CDKL1: variants seen among roughly 807,000 people sequenced by gnomAD.
The protein encoded by CDKL1 is cyclin dependent kinase like 1, also known as cyclin-dependent kinase-like 1.
In CDKL1, 41 loss-of-function variants were observed where a neutral mutation model predicts 42.0. The ratio of observed to expected loss-of-function variants is 0.98; its 90% CI spans 0.76 to 1.27. The LOEUF is 1.27. Ranked by LOEUF, CDKL1 falls within the 50% of genes most tolerant of loss-of-function variation. The pLI is 0.00. For synonymous variants in CDKL1, 153 were observed against 158.6 expected (o/e 0.96, Z 0.26); for missense variants, 394 against 428.4 (o/e 0.92, Z 0.71).
chr14:50,391,037 G>T (rs534791506), intron 2 of CDKL1, among the ~76,000 whole-genome samples: 1 of 152,030 alleles, frequency 6.6e-6, no homozygotes, highest in Non-Finnish European at 1.5e-5. Flanking sequence ...GTTTCACCAC[G>T]TTGCCCCTGC....
At chr14:50,375,622 C>A (rs531705956) in intron 2 of CDKL1, among the ~76,000 whole-genome samples, 1 of 152,280 alleles carries the variant, frequency 6.6e-6, no homozygotes, top group South Asian at 2.1e-4. Context: ...CATGGTGAAA[C>A]CCCGTCTCTA....
At chr14:50,354,475 G>A (rs2033997576) in intron 3 of CDKL1, among the ~76,000 whole-genome samples, 1 of 152,198 alleles carries the variant, frequency 6.6e-6, no homozygotes, top group Non-Finnish European at 1.5e-5. Context: ...GAAGTCTTAT[G>A]TCTGGCTGAA....
At chr14:50,363,498 G>C (rs928262569) in intron 2 of CDKL1, among the ~76,000 whole-genome samples, 1 of 152,172 alleles carries the variant, frequency 6.6e-6, no homozygotes, top group Non-Finnish European at 1.5e-5. Flanking sequence ...GATAGAATTC[G>C]CAGAAAGCAG....
At chr14:50,348,820 A>C (rs1465252129) in intron 3 of CDKL1, among the ~76,000 whole-genome samples, 2 of 152,224 alleles carry the variant, frequency 1.3e-5, no homozygotes, top group African/African-American at 4.8e-5. Flanking sequence ...GAAATTATGG[A>C]GGATGAAGAG....
intron 2 of CDKL1, among the ~76,000 whole-genome samples, chr14:50,371,273 G>A (rs963434899): frequency 3.3e-5 from 5 of 152,164 alleles, no homozygotes; most frequent in African/African-American, 1.2e-4. Flanking sequence ...GGGATTGCTG[G>A]ATCATATGGT....
chr14:50,375,262 A>G (rs1595354427), intron 2 of CDKL1, among the ~76,000 whole-genome samples: 1 of 152,216 alleles, frequency 6.6e-6, no homozygotes, highest in East Asian at 1.9e-4. Flanking sequence ...AATATCCACA[A>G]ATCCATACTA....
intron 2 of CDKL1, among the ~76,000 whole-genome samples, chr14:50,379,683 G>A (rs957342543): frequency 4.6e-5 from 7 of 152,102 alleles, no homozygotes; most frequent in African/African-American, 9.7e-5. Context: ...TGTGTCACCC[G>A]ACTTGCATTG....
chr14:50,336,264 T>C (rs1402894360), intron 7 of CDKL1: 9 of 1,250,012 alleles, frequency 7.2e-6, no homozygotes, highest in South Asian at 1.3e-5. Context: ...GCACTGCCTC[T>C]TCCTGTGTTT....
intron 3 of CDKL1, chr14:50,357,201 C>T (rs2034081134): frequency 6.6e-6 from 1 of 152,204 alleles, no homozygotes; most frequent in South Asian, 2.1e-4. Flanking sequence ...AGGTGTCTGT[C>T]CTCTTGGCTC....
At chr14:50,375,513 G>A (rs965787868) in intron 2 of CDKL1, among the ~76,000 whole-genome samples, 2 of 152,234 alleles carry the variant, frequency 1.3e-5, no homozygotes, top group Non-Finnish European at 2.9e-5. Flanking sequence ...GAAACCTGAC[G>A]ACACTACCTC....
intron 2 of CDKL1, among the ~76,000 whole-genome samples, chr14:50,378,004 G>C (rs2034783960): frequency 6.6e-6 from 1 of 152,080 alleles, no homozygotes; most frequent in South Asian, 2.1e-4. Context: ...GCCTCAACAG[G>C]TCTCTCATGT....
intron 2 of CDKL1, among the ~76,000 whole-genome samples, chr14:50,378,710 T>A (rs962845936): frequency 8.6e-5 from 13 of 151,878 alleles, no homozygotes; most frequent in African/African-American, 1.7e-4. Context: ...ATTAAAAAAA[T>A]TTTTTTTGTG....
chr14:50,358,339 T>G (rs1162049919), intron 3 of CDKL1, among the ~76,000 whole-genome samples: 4 of 152,230 alleles, frequency 2.6e-5, no homozygotes, highest in Non-Finnish European at 5.9e-5. Context: ...ATGTTTGTTT[T>G]AGTCTCAAAC....
In CDKL1 at chr14:50,329,792, A is replaced by G. The variant is rs946255713; in HGVS notation, c.*282T>C. 1 of 324,348 alleles carries G rather than the reference A, an allele frequency of 3.1e-6. No homozygotes were observed. Among genetic ancestry groups the G allele is most frequent in the Non-Finnish European group, 5.7e-6 (1 of 175,292 alleles). 20.1% of individuals were successfully genotyped at this position (324,348 alleles called of 1,614,324 possible). ...GATATCATCTAGTTTTGCCAGAGGT[A>G]TGGGACAGTTCATATTCTGTCCATA... On this transcript the variant is annotated 3_prime_UTR_variant, in exon 10 of 10. Coordinates refer to ENST00000395834, the MANE Select transcript of CDKL1 (RefSeq NM_004196.7).
At chr14:50,388,840 C>T (rs2139541723) in intron 2 of CDKL1, among the ~76,000 whole-genome samples, 1 of 152,080 alleles carries the variant, frequency 6.6e-6, no homozygotes, top group East Asian at 1.9e-4. Context: ...TGGCTCATGC[C>T]TGTAATCCCT....
intron 7 of CDKL1, among the ~76,000 whole-genome samples, chr14:50,335,062 C>A (rs2033180133): frequency 6.6e-6 from 1 of 151,514 alleles, no homozygotes; most frequent in Non-Finnish European, 1.5e-5. Context: ...CAGGCCAAGT[C>A]TGATGGCTTG....
intron 2 of CDKL1, among the ~76,000 whole-genome samples, chr14:50,380,414 C>G (rs1276449640): frequency 6.6e-6 from 1 of 152,222 alleles, no homozygotes; most frequent in Non-Finnish European, 1.5e-5. Context: ...CTGATATACA[C>G]AGGCTCTGGC....
At chr14:50,339,664 C>T (rs1466516432) in intron 6 of CDKL1, among the ~76,000 whole-genome samples, 1 of 152,148 alleles carries the variant, frequency 6.6e-6, no homozygotes, top group East Asian at 1.9e-4. Flanking sequence ...AATCCCATTT[C>T]ATCTACTGTT....
rs1438441143 is a variant in CDKL1 at position 50,395,982 on chromosome 14, C to A, written c.-114G>T. ...GGCAGATCACCTGAGGTCAGGAGTT[C>A]GAGACCAGTCTGGCCAACATACTGA... On this transcript the variant is annotated 5_prime_UTR_variant, in exon 2 of 10. Coordinates refer to ENST00000395834, the MANE Select transcript of CDKL1 (RefSeq NM_004196.7). 2 of 1,094,094 alleles carry A rather than the reference C, an allele frequency of 1.8e-6. No homozygotes were observed. The highest frequency in any genetic ancestry group is 1.4e-5 in the South Asian group (1 of 71,444). 67.8% of individuals were successfully genotyped at this position (1,094,094 alleles called of 1,614,324 possible). A position where few individuals can be genotyped will look rare whatever the true frequency, so the allele number is the denominator to read the frequency against.
Sources: gnomAD v4.1 joint callset for allele counts (sites outside exome capture counted in the v4.1 genomes callset) on GRCh38, gnomAD v4.1.1 for gene constraint, MANE v1.5 for transcripts, NCBI Gene and HGNC (gene_info 2026-07-23, HGNC 2026-07-21) for gene names.